BAHCC1: variants seen among roughly 807,000 people sequenced by gnomAD.
BAHCC1 encodes BAH and coiled-coil domain-containing protein 1.
A neutral mutation model predicts 88.2 loss-of-function variants in BAHCC1; 43 were observed. The ratio of observed to expected loss-of-function variants is 0.49; its 90% confidence interval spans 0.38 to 0.63. BAHCC1 has a LOEUF of 0.63. Among genes scored for constraint, BAHCC1 ranks in the 20% least tolerant of loss-of-function variants. BAHCC1 has a pLI of 0.00. For missense variants in BAHCC1, 3,023 were observed against 1,654.8 expected (o/e 1.83, Z -14.34); for synonymous variants, 1,510 against 745.5 (o/e 2.03, Z -16.71).
Position 81,447,154 on chromosome 17 carries a change from G to A in BAHCC1, c.3282G>A (p.Gln1094=). The part of the protein sequence containing the change: ...ETMQTTAPGA[Q]PEPTRTFLPG... ...TGCAAACCACCGCCCCGGGGGCCCA[G>A]CCTGAGCCCACAAGGACATTCCTGC... The change falls in exon 11 of 28, where the codon CAG becomes CAA. Residue 1094 remains glutamine (Q), a synonymous_variant. Transcript: ENST00000675386. 5.1e-6 allele frequency: 4 copies of A among 777,984 alleles called. No individual in the cohort carries two copies. Among genetic ancestry groups the A allele is most frequent in the Non-Finnish European group, 9.6e-6 (4 of 417,386 alleles). 48.2% of individuals were successfully genotyped at this position (777,984 alleles called of 1,614,324 possible).
At position 81,445,116 on chromosome 17, in the gene BAHCC1, C is replaced by A; in HGVS notation, c.2773C>A (p.Pro925Thr). ...HPGQLPVYSRPQLLRQQELYA... is the reference protein window; with the variant it reads ...HPGQLPVYSRTQLLRQQELYA... Reference sequence around the variant, plus strand: ...GGGCCAGCTCCCTGTGTACTCGAGGCCGCAGCTCCTCCGGCAGCAGGAGCT... The same window carrying A: ...GGGCCAGCTCCCTGTGTACTCGAGGACGCAGCTCCTCCGGCAGCAGGAGCT... Residue 925 changes from proline (P) to threonine (T), a missense_variant, in exon 9 of 28, where the codon CCG becomes ACG. Physicochemically the swap from Pro to Thr is conservative, Grantham distance 38 (BLOSUM62 -1). Coordinates refer to ENST00000675386, the MANE Select transcript of BAHCC1 (RefSeq NM_001377448.1). 1.3e-6 allele frequency: 1 copy of A among 773,718 alleles called. No individual in the cohort carries two copies. Among genetic ancestry groups the A allele is most frequent in the African/African-American group, 1.7e-5 (1 of 59,120 alleles). The allele number at this position is 773,718 out of a possible 1,614,324, so 47.9% of individuals were successfully genotyped here.
intron 3 of BAHCC1, among the ~76,000 whole-genome samples, chr17:81,436,257 C>T (rs1182574666): frequency 1.3e-5 from 2 of 152,210 alleles, no homozygotes; most frequent in African/African-American, 4.8e-5. Context: ...CTCACCAGCC[C>T]AGGGGCCACC....
chr17:81,419,844 TGCTGTCTCG>T (rs2064094186), intron 2 of BAHCC1, among the ~76,000 whole-genome samples: 1 of 149,150 alleles, frequency 6.7e-6, no homozygotes, highest in Non-Finnish European at 1.5e-5. Flanking sequence ...AAAAGGAGGA[TGCTGTCTCG>T]GCGGCTCACT....
intron 2 of BAHCC1, among the ~76,000 whole-genome samples, chr17:81,406,187 A>G (rs2063876659): frequency 6.6e-6 from 1 of 152,208 alleles, no homozygotes; most frequent in Admixed American, 6.5e-5. Flanking sequence ...GGAGGGAGGC[A>G]GGCTCGTCCT....
intron 8 of BAHCC1, 28 bp downstream of exon 8, chr17:81,444,854 A>G (rs1318585868): frequency 5.3e-6 from 4 of 760,040 alleles, no homozygotes; most frequent in Admixed American, 1.8e-5. Flanking sequence ...AGGCTGCTGT[A>G]CTTGGGGGGT....
At chr17:81,449,003 C>T (rs2064584120) in intron 11 of BAHCC1, among the ~76,000 whole-genome samples, 2 of 152,220 alleles carry the variant, frequency 1.3e-5, no homozygotes. Flanking sequence ...CAGGGACCCT[C>T]ACCTGGCAGC....
rs782689469 is a variant in BAHCC1 at position 81,458,320 on chromosome 17, C to T, written c.5197C>T (p.Arg1733Trp). The change falls in exon 18 of 28, where the codon CGG (arginine) becomes TGG (tryptophan). Residue 1733 changes from arginine to tryptophan, a missense_variant. Physicochemically the swap from Arg to Trp is moderately radical, Grantham distance 101. Coordinates refer to ENST00000675386, the MANE Select transcript of BAHCC1 (RefSeq NM_001377448.1). The part of the protein sequence containing the change: ...KAKGKAKGSL[R>W]AEPGATPSRD... ...CAAGGGCAAGGCCAAGGGCAGCCTG[C>T]GGGCAGAGCCGGGGGCCACCCCCAG... 20 of 743,374 alleles carry T rather than the reference C, an allele frequency of 2.7e-5. No homozygotes were observed. The highest frequency in any genetic ancestry group is 4.0e-5 in the Non-Finnish European group (16 of 401,018). The allele number at this position is 743,374 out of a possible 1,614,324, so 46.0% of individuals were successfully genotyped here. A position where few individuals can be genotyped will look rare whatever the true frequency, so the allele number is the denominator to read the frequency against.
rs186313489 is a variant in BAHCC1 at position 81,434,597 on chromosome 17, G to A, written c.359-3773G>A. ...GTGACCCTGCAGTGGGAAGTCCCCT[G>A]ACCCCCCAGGTGATCTTGGTCCTTC... On this transcript the variant is annotated intron_variant, in intron 3 of 27. Coordinates refer to ENST00000675386, the MANE Select transcript of BAHCC1 (RefSeq NM_001377448.1). The surrounding 1 kb of genome is among the most constrained non-coding windows in gnomAD (Gnocchi z 4.9). 4.9e-4 allele frequency among the ~76,000 whole-genome samples: 75 copies of A among 152,250 alleles called. No homozygotes were observed. The highest frequency in any genetic ancestry group is 1.5e-4 in the Non-Finnish European group (10 of 67,982).
intron 3 of BAHCC1, among the ~76,000 whole-genome samples, chr17:81,428,063 C>G (rs2064221068): frequency 6.6e-6 from 1 of 152,200 alleles, no homozygotes; most frequent in Non-Finnish European, 1.5e-5. Context: ...TAAGGAGTGG[C>G]CTCTTCCTGG....
In BAHCC1 at chr17:81,399,997, C is replaced by A; in HGVS notation, c.178+80C>A. ...GCGCCCACCCCTCCGCTCCCGGGAG[C>A]AGAGAAGCTTTGGTTTCATTTCCCG... On this transcript the variant is annotated intron_variant, in intron 2 of 27. Transcript: ENST00000675386. The surrounding 1 kb of genome is among the most constrained non-coding windows in gnomAD (Gnocchi z 4.5). The A allele has an allele frequency of 8.7e-7, 1 of 1,147,392 alleles. No homozygotes were observed. Among genetic ancestry groups the A allele is most frequent in the Non-Finnish European group, 1.1e-6 (1 of 910,128 alleles). 71.1% of individuals were successfully genotyped at this position (1,147,392 alleles called of 1,614,324 possible).
chr17:81,421,841 G>A, intron 2 of BAHCC1: 1 of 226,810 alleles, frequency 4.4e-6, no homozygotes, highest in South Asian at 3.6e-5. Context: ...GGATGGTAGG[G>A]TCTCTCATGG....
At chr17:81,413,977 C>G (rs182145364) in intron 2 of BAHCC1, among the ~76,000 whole-genome samples, 75 of 152,366 alleles carry the variant, frequency 4.9e-4, no homozygotes, top group Non-Finnish European at 7.5e-4. Context: ...TGAGCTGACG[C>G]TGGCAGCCCA....
In BAHCC1 at chr17:81,442,322, G is replaced by A. The variant is rs1555652765; in HGVS notation, c.973G>A (p.Ala325Thr). The change falls in exon 5 of 28, where the codon GCA (alanine) becomes ACA (threonine). Residue 325 changes from alanine (A) to threonine (T), a missense_variant. By Grantham distance (58) the Ala-to-Thr change is moderately conservative. Transcript: ENST00000675386. ...CTCCGGGCGCTGTGCAAAGGAGGCA[G>A]CAGGCCCCCCGGAGCCCGGGCCGGC... The part of the protein sequence containing the change: ...VTSGRCAKEA[A>T]GPPEPGPAFS... The A allele has an allele frequency of 3.0e-6, 2 of 676,970 alleles. No individual in the cohort carries two copies. Among genetic ancestry groups the A allele is most frequent in the Non-Finnish European group, 5.4e-6 (2 of 372,212 alleles). 41.9% of individuals were successfully genotyped at this position (676,970 alleles called of 1,614,324 possible). A position where few individuals can be genotyped will look rare whatever the true frequency, so the allele number is the denominator to read the frequency against.
chr17:81,422,421 A>G (rs2064126796), intron 2 of BAHCC1, among the ~76,000 whole-genome samples: 1 of 152,232 alleles, frequency 6.6e-6, no homozygotes, highest in Non-Finnish European at 1.5e-5. Context: ...GAAAGGGAAA[A>G]AGAAGTGAAA....
Position 81,458,893 on chromosome 17 carries a change from C to T in BAHCC1, c.5529C>T (p.Phe1843=), listed in dbSNP as rs782047137. 3.9e-6 allele frequency: 3 copies of T among 774,346 alleles called. No individual in the cohort carries two copies. The highest frequency in any genetic ancestry group is 7.2e-6 in the Non-Finnish European group (3 of 414,372). 48.0% of individuals were successfully genotyped at this position (774,346 alleles called of 1,614,324 possible). ...EDFEFDDNSS[F]SEEEEDEEEE... is the part of the protein sequence containing the mutation. The stretch of plus-strand genomic sequence containing the variant: ...TTGAGTTCGACGACAACAGCAGCTT[C>T]TCGGAAGAGGAGGAGGACGAGGAGG... Residue 1843 remains phenylalanine, a synonymous_variant, in exon 20 of 28, where the codon TTC becomes TTT. Transcript: ENST00000675386.
At chr17:81,404,710 T>TA in intron 2 of BAHCC1, among the ~76,000 whole-genome samples, 1 of 152,346 alleles carries the variant, frequency 6.6e-6, no homozygotes, top group East Asian at 1.9e-4. Flanking sequence ...GCTGTCAACT[T>TA]ACATATGTCA....
At position 81,406,862 on chromosome 17, in the gene BAHCC1, C is replaced by T; in HGVS notation, c.178+6945C>T. 3 of 456,262 alleles carry T rather than the reference C, an allele frequency of 6.6e-6. No individual in the cohort carries two copies. The East Asian group carries it at 2.1e-4, about 32-fold the overall frequency. 28.3% of individuals were successfully genotyped at this position (456,262 alleles called of 1,614,324 possible). On this transcript the variant is annotated intron_variant, in intron 2 of 27. Transcript: ENST00000675386. ...GGTCTGGTGGGGAGGCGTCCAGCGC[C>T]CAAGCTGGGAGCCAGCCGGGCTGGC...
At position 81,411,729 on chromosome 17, in the gene BAHCC1, G is replaced by A; in HGVS notation, c.178+11812G>A. ...AGCCCACCCTGCCAGGGAGGCCTCA[G>A]CATAGTCCTTGAGCTCTGGGGGCCC... On this transcript the variant is annotated intron_variant, in intron 2 of 27. Coordinates refer to ENST00000675386, the MANE Select transcript of BAHCC1 (RefSeq NM_001377448.1). This position sits in a 1 kb window ranked among gnomAD's most constrained non-coding sequence, Gnocchi z 6.2. 3.4e-6 allele frequency: 1 copy of A among 290,226 alleles called. No individual in the cohort carries two copies. Among genetic ancestry groups the A allele is most frequent in the Non-Finnish European group, 6.8e-6 (1 of 146,710 alleles). 18.0% of individuals were successfully genotyped at this position (290,226 alleles called of 1,614,324 possible).
intron 14 of BAHCC1, among the ~76,000 whole-genome samples, chr17:81,453,298 G>A (rs1438239684): frequency 1.3e-5 from 2 of 152,254 alleles, no homozygotes; most frequent in Non-Finnish European, 2.9e-5. Flanking sequence ...AGTCGTTGGC[G>A]CACTCCCGGG....
Sources: allele counts gnomAD v4.1 joint callset (sites outside exome capture counted in the v4.1 genomes callset), GRCh38; gene constraint gnomAD v4.1.1; non-coding constraint Gnocchi (gnomAD v3.1); transcripts MANE v1.5; gene names NCBI Gene and HGNC (gene_info 2026-07-23, HGNC 2026-07-21).